RALGAPA1: variants seen among roughly 807,000 people sequenced by gnomAD.
RALGAPA1 encodes ral GTPase-activating protein subunit alpha-1.
A neutral mutation model predicts 269.6 loss-of-function variants in RALGAPA1; 52 were observed. The ratio of observed to expected loss-of-function variants is 0.19; its 90% CI spans 0.15 to 0.24. The LOEUF (loss-of-function observed/expected upper bound fraction) is 0.24. Ranked by LOEUF, RALGAPA1 falls within the 10% of genes least tolerant of loss-of-function variation. The pLI is 1.00. For missense variants in RALGAPA1, 1,917 were observed against 3,013.9 expected (o/e 0.64, Z 8.52); for synonymous variants, 817 against 1,008.3 (o/e 0.81, Z 3.60).
chr14:35,677,996 G>A lies in RALGAPA1; in HGVS notation c.4578C>T (p.Leu1526=), dbSNP rs771225344. ...GAACAGAGTGGTGGAGCTTCTCGTC[G>A]AGCTGCAGATCCTTCTGTTCCATGT... The part of the protein sequence containing the change: ...IDHMEQKDLQ[L]DEKLHHSVLQ... The change falls in exon 22 of 42, where the codon CTC becomes CTT. Residue 1526 remains leucine (L), a synonymous_variant. Transcript: ENST00000680220. 39 of 1,613,414 alleles carry A rather than the reference G, an allele frequency of 2.4e-5. No homozygotes were observed. The highest frequency in any genetic ancestry group is 1.6e-4 in the Middle Eastern group (1 of 6,078).
intron 13 of RALGAPA1, among the ~76,000 whole-genome samples, chr14:35,725,717 T>C (rs1424241031): frequency 2.0e-5 from 3 of 150,304 alleles, no homozygotes; most frequent in Non-Finnish European, 4.4e-5. Flanking sequence ...AAAAAAAAAA[T>C]TAGCTGGGTG....
At chr14:35,696,655 A>G (rs946293506) in intron 17 of RALGAPA1, among the ~76,000 whole-genome samples, 24 of 152,042 alleles carry the variant, frequency 1.6e-4, no homozygotes, top group African/African-American at 5.6e-4. Context: ...CCAATTATCC[A>G]AAAGTATCAG....
intron 36 of RALGAPA1, among the ~76,000 whole-genome samples, chr14:35,604,824 A>C (rs1314595237): frequency 2.0e-5 from 3 of 152,114 alleles, no homozygotes; most frequent in African/African-American, 7.2e-5. Flanking sequence ...ACTGATCACA[A>C]GCCAATTACC....
chr14:35,746,101 T>C (rs2072068588), intron 10 of RALGAPA1, among the ~76,000 whole-genome samples: 1 of 152,124 alleles, frequency 6.6e-6, no homozygotes, highest in Non-Finnish European at 1.5e-5. Context: ...AAATCCCACA[T>C]TTGCAACAAC....
intron 35 of RALGAPA1, among the ~76,000 whole-genome samples, chr14:35,617,211 G>C (rs993678256): frequency 6.6e-6 from 1 of 152,174 alleles, no homozygotes; most frequent in Admixed American, 6.5e-5. Flanking sequence ...ACTGGGAATG[G>C]TGGTTCACAC....
chr14:35,751,714 A>C (rs1449280063), intron 8 of RALGAPA1, among the ~76,000 whole-genome samples: 1 of 151,836 alleles, frequency 6.6e-6, no homozygotes, highest in Admixed American at 6.6e-5. Flanking sequence ...TCAGCAGTTC[A>C]AGGCTGCAGT....
chr14:35,694,212 G>A (rs2066723651), intron 17 of RALGAPA1, among the ~76,000 whole-genome samples: 1 of 151,988 alleles, frequency 6.6e-6, no homozygotes, highest in Admixed American at 6.6e-5. Context: ...ATAGAATCAA[G>A]GGCCAAAATC....
intron 39 of RALGAPA1, chr14:35,564,564 A>C (rs2056545078): frequency 6.6e-6 from 1 of 152,190 alleles, no homozygotes; most frequent in South Asian, 2.1e-4. Context: ...AATCTCCCTG[A>C]TCAAGTTAAA....
At position 35,550,446 on chromosome 14, in the gene RALGAPA1, T is replaced by TA. The variant is rs951837116; in HGVS notation, c.7497-1213dup. On this transcript the variant is annotated intron_variant, in intron 39 of 41. Transcript: ENST00000680220. Reference sequence around the variant, plus strand: ...TTTTCCCTCAAAATTCCTTATTTTTTAAAAAAATGCAATTTAATTATTATA... The same window carrying TA: ...TTTTCCCTCAAAATTCCTTATTTTTTAAAAAAAATGCAATTTAATTATTATA... 6.1e-4 allele frequency among the ~76,000 whole-genome samples: 93 copies of TA among 152,226 alleles called. 1 individual carries two copies. In the Middle Eastern group the frequency reaches 0.017, roughly 28 times the overall value.
chr14:35,773,949 A>T (rs2074828055), intron 3 of RALGAPA1, among the ~76,000 whole-genome samples: 1 of 152,038 alleles, frequency 6.6e-6, no homozygotes, highest in Non-Finnish European at 1.5e-5. Flanking sequence ...ACAGGGTCTC[A>T]CTCTCTTGCC....
chr14:35,809,047 G>A lies in RALGAPA1; in HGVS notation c.-212C>T. 3.7e-6 allele frequency: 3 copies of A among 801,976 alleles called. 1 individual carries two copies. The South Asian group carries it at 5.7e-5, about 15-fold the overall frequency. 49.7% of individuals were successfully genotyped at this position (801,976 alleles called of 1,614,324 possible). Reference sequence around the variant, plus strand: ...GCGCCGCGGCTCCAAGGCACCTTCGGCCCCAGCTCCAATATGGCGGATCCC... The same window carrying A: ...GCGCCGCGGCTCCAAGGCACCTTCGACCCCAGCTCCAATATGGCGGATCCC... On this transcript the variant is annotated 5_prime_UTR_variant, in exon 1 of 42. Transcript: ENST00000680220.
chr14:35,642,646 C>T (rs528032427), intron 31 of RALGAPA1, among the ~76,000 whole-genome samples: 38 of 152,284 alleles, frequency 2.5e-4, no homozygotes, highest in African/African-American at 8.9e-4. Context: ...GATACCATCT[C>T]ACACCAGTTA....
chr14:35,689,076 C>T lies in RALGAPA1; in HGVS notation c.3335G>A (p.Arg1112Lys), dbSNP rs1161536583. The T allele has an allele frequency of 1.3e-5, 16 of 1,235,810 alleles. No homozygotes were observed. Among genetic ancestry groups the T allele is most frequent in the African/African-American group, 1.6e-5 (1 of 64,442 alleles). The allele number at this position is 1,235,810 out of a possible 1,614,324, so 76.6% of individuals were successfully genotyped here. A position where few individuals can be genotyped will look rare whatever the true frequency, so the allele number is the denominator to read the frequency against. Reference sequence around the variant, plus strand: ...GCTAGTACTTGTAACATGAGGCATTCTGCGGTTAACAGGTGCTTTTAGTGT... The same window carrying T: ...GCTAGTACTTGTAACATGAGGCATTTTGCGGTTAACAGGTGCTTTTAGTGT... ...KATLKAPVNR[R>K]MPHVTSTSKL... is the part of the protein sequence containing the mutation. The change falls in exon 18 of 42, where the codon AGA becomes AAA. Residue 1112 changes from arginine (R) to lysine (K), a missense_variant. By Grantham distance (26) the Arg-to-Lys change is conservative (BLOSUM62 2). This residue lies in a region of RALGAPA1 where 615 missense variants were observed against 790.0 expected (regional missense o/e 0.78). Coordinates refer to ENST00000680220, the MANE Select transcript of RALGAPA1 (RefSeq NM_001346249.2).
At position 35,688,711 on chromosome 14, in the gene RALGAPA1, T is replaced by C; in HGVS notation, c.3700A>G (p.Ile1234Val). ...SSKTVKESTE[I>V]PTTILQKEGI... Reference sequence around the variant, plus strand: ...TCTTTTTGTAATATGGTGGTGGGAATCTCTGTGGATTCCTTCACTGTTTTG... The same window carrying C: ...TCTTTTTGTAATATGGTGGTGGGAACCTCTGTGGATTCCTTCACTGTTTTG... Residue 1234 changes from isoleucine to valine, a missense_variant, in exon 18 of 42, where the codon ATT becomes GTT. Transcript: ENST00000680220. 1 of 1,476,038 alleles carries C rather than the reference T, an allele frequency of 6.8e-7. No individual in the cohort carries two copies. The highest frequency in any genetic ancestry group is 8.9e-7 in the Non-Finnish European group (1 of 1,119,696). 91.4% of individuals were successfully genotyped at this position (1,476,038 alleles called of 1,614,324 possible). A position where few individuals can be genotyped will look rare whatever the true frequency, so the allele number is the denominator to read the frequency against.
chr14:35,776,659 T>C (rs1238921880), intron 1 of RALGAPA1, among the ~76,000 whole-genome samples: 2 of 151,354 alleles, frequency 1.3e-5, no homozygotes, highest in African/African-American at 2.4e-5. Context: ...AGCACAAAGG[T>C]GGGGAAAGAA....
intron 35 of RALGAPA1, among the ~76,000 whole-genome samples, chr14:35,619,080 G>A (rs2060439035): frequency 6.6e-6 from 1 of 151,776 alleles, no homozygotes; most frequent in Admixed American, 6.6e-5. Flanking sequence ...AATGTGTGTG[G>A]GTGCAGTGAG....
At chr14:35,755,030 G>A (rs771379798) in intron 7 of RALGAPA1, among the ~76,000 whole-genome samples, 5 of 152,108 alleles carry the variant, frequency 3.3e-5, no homozygotes, top group Non-Finnish European at 7.4e-5. Flanking sequence ...TAAAATGGTG[G>A]TGTGAGAATT....
intron 39 of RALGAPA1, among the ~76,000 whole-genome samples, chr14:35,557,300 GAA>G (rs66542011): frequency 1.1e-4 from 13 of 113,072 alleles, no homozygotes; most frequent in Admixed American, 3.7e-4. Context: ...ACTGCAAAAA[GAA>G]AAAAAAAAAA....
intron 17 of RALGAPA1, among the ~76,000 whole-genome samples, chr14:35,691,621 T>C (rs1022590967): frequency 1.3e-5 from 2 of 152,186 alleles, no homozygotes; most frequent in African/African-American, 2.4e-5. Context: ...AAAATGGAGA[T>C]AGTCATTCAA....
Sources: gnomAD v4.1 joint callset for allele counts (sites outside exome capture counted in the v4.1 genomes callset) on GRCh38, gnomAD v4.1.1 for gene constraint, gnomAD v4.1.1 regional missense constraint, MANE v1.5 for transcripts, NCBI Gene and HGNC (gene_info 2026-07-23, HGNC 2026-07-21) for gene names.